The following SMC6 variants were observed in gnomAD, a reference collection of about 807,000 sequenced individuals.
SMC6 encodes structural maintenance of chromosomes protein 6.
SMC6 carries 79 observed loss-of-function variants against 142.2 expected under a neutral mutation model. The observed-to-expected ratio is 0.56, with a 90% confidence interval of 0.46 to 0.67. SMC6 has a LOEUF of 0.67. SMC6 is among the 30% of genes least tolerant of loss of function. SMC6 has a pLI of 0.00. For missense variants in SMC6, 1,072 were observed against 1,284.0 expected (o/e 0.83, Z 2.52); for synonymous variants, 411 against 412.4 (o/e 1.00, Z 0.04).
rs1388415111 is a variant in SMC6 at position 17,664,498 on chromosome 2, C to T, written c.*1001G>A. ...AAGGAATGCTTCTTGATATCCAATA[C>T]ATTCTTAAAAAGTTTAGCATGAATC... On this transcript the variant is annotated 3_prime_UTR_variant, in exon 28 of 28. Coordinates refer to ENST00000448223, the MANE Select transcript of SMC6 (RefSeq NM_001142286.2). The T allele has an allele frequency of 3.9e-5, 6 of 152,148 alleles. No homozygotes were observed. Among genetic ancestry groups the T allele is most frequent in the African/African-American group, 1.4e-4 (6 of 41,434 alleles). 9.4% of individuals were successfully genotyped at this position (152,148 alleles called of 1,614,324 possible). A position where few individuals can be genotyped will look rare whatever the true frequency, so the allele number is the denominator to read the frequency against.
chr2:17,720,820 A>C, intron 11 of SMC6, 120 bp downstream of exon 11: 1 of 826,032 alleles, frequency 1.2e-6, no homozygotes, highest in Non-Finnish European at 1.9e-6. Flanking sequence ...CTAAGCAATC[A>C]ATTCAAATAT....
At chr2:17,690,969 G>T (rs115139019) in intron 23 of SMC6, among the ~76,000 whole-genome samples, 3 of 151,158 alleles carry the variant, frequency 2.0e-5, no homozygotes, top group Admixed American at 6.6e-5. Context: ...AAAAAAAAAC[G>T]CTGAGTACAT....
At chr2:17,673,698 T>C (rs1666875542) in intron 25 of SMC6, among the ~76,000 whole-genome samples, 2 of 151,664 alleles carry the variant, frequency 1.3e-5, no homozygotes, top group South Asian at 4.2e-4. Context: ...GCCTCCCGAG[T>C]AGCTGGGATT....
chr2:17,728,660 T>C (rs1390717910), intron 7 of SMC6, among the ~76,000 whole-genome samples: 3 of 152,096 alleles, frequency 2.0e-5, no homozygotes, highest in African/African-American at 7.2e-5. Flanking sequence ...AAGACAAATA[T>C]GATCAGACAC....
At chr2:17,677,219 A>G (rs1264672164) in intron 25 of SMC6, among the ~76,000 whole-genome samples, 2 of 152,146 alleles carry the variant, frequency 1.3e-5, no homozygotes, top group Non-Finnish European at 2.9e-5. Flanking sequence ...ATTTCACTAA[A>G]GAGGGGCCCC....
At chr2:17,723,453 G>T (rs1220864807) in intron 9 of SMC6, among the ~76,000 whole-genome samples, 1 of 152,138 alleles carries the variant, frequency 6.6e-6, no homozygotes, top group Admixed American at 6.5e-5. Context: ...AGCCAATCTG[G>T]AATTCTTCCA....
intron 16 of SMC6, among the ~76,000 whole-genome samples, chr2:17,714,416 G>C (rs888806737): frequency 6.6e-6 from 1 of 152,076 alleles, no homozygotes; most frequent in Non-Finnish European, 1.5e-5. Flanking sequence ...TAAAGTATTA[G>C]CCAGTAGTTA....
chr2:17,744,219 T>C (rs13424855), intron 3 of SMC6, among the ~76,000 whole-genome samples: 27,251 of 152,054 alleles, frequency 0.18, 3,498 homozygotes, highest in African/African-American at 0.37. Flanking sequence ...TGCTCCACAT[T>C]CTTGTCAGCA....
At chr2:17,675,597 T>C (rs1330229355) in intron 25 of SMC6, among the ~76,000 whole-genome samples, 1 of 152,148 alleles carries the variant, frequency 6.6e-6, no homozygotes, top group African/African-American at 2.4e-5. Flanking sequence ...TCCTCATTTT[T>C]GAAAGGTAGT....
At position 17,745,951 on chromosome 2, in the gene SMC6, T is replaced by G. The variant is rs755458592; in HGVS notation, c.-5A>C. The stretch of plus-strand genomic sequence containing the variant: ...TTCTTCCTTTCTTTTGGCCATCAGG[T>G]CTGAACAAATATTTATAGTAACAAT... On this transcript the variant is annotated splice_region_variant and 5_prime_UTR_variant, in exon 3 of 28. Coordinates refer to ENST00000448223, the MANE Select transcript of SMC6 (RefSeq NM_001142286.2). 1.3e-6 allele frequency: 2 copies of G among 1,595,866 alleles called. No individual in the cohort carries two copies. The highest frequency in any genetic ancestry group is 2.7e-5 in the African/African-American group (2 of 74,236).
chr2:17,724,615 C>A (rs1669527180), intron 9 of SMC6, among the ~76,000 whole-genome samples: 1 of 152,166 alleles, frequency 6.6e-6, no homozygotes, highest in Non-Finnish European at 1.5e-5. Flanking sequence ...AAAGTTGGAT[C>A]TTCAGGAATC....
chr2:17,679,395 A>G (rs966888991), intron 24 of SMC6: 2 of 153,484 alleles, frequency 1.3e-5, no homozygotes, highest in Admixed American at 6.5e-5. Context: ...GCCTCCTTCT[A>G]ACTTCACAGT....
At chr2:17,731,039 G>A in intron 7 of SMC6, 39 bp downstream of exon 7, 1 of 1,503,372 alleles carries the variant, frequency 6.7e-7, no homozygotes. Context: ...AAAATGACAA[G>A]GTGTATGAAT....
At chr2:17,734,552 C>G (rs904678681) in intron 5 of SMC6, among the ~76,000 whole-genome samples, 1 of 151,262 alleles carries the variant, frequency 6.6e-6, no homozygotes, top group Non-Finnish European at 1.5e-5. Flanking sequence ...AGTTACAGTA[C>G]CTCATGAAAA....
intron 5 of SMC6, among the ~76,000 whole-genome samples, chr2:17,736,027 A>C (rs1226682774): frequency 6.6e-6 from 1 of 152,212 alleles, no homozygotes; most frequent in Non-Finnish European, 1.5e-5. Flanking sequence ...TGTGCAATAG[A>C]GTAAGAGCAG....
intron 7 of SMC6, among the ~76,000 whole-genome samples, chr2:17,727,259 G>A (rs972550342): frequency 6.6e-6 from 1 of 152,152 alleles, no homozygotes; most frequent in Non-Finnish European, 1.5e-5. Flanking sequence ...TAATCTGGAT[G>A]GGCACCATCT....
At chr2:17,730,061 A>G (rs529955785) in intron 7 of SMC6, among the ~76,000 whole-genome samples, 49 of 152,342 alleles carry the variant, frequency 3.2e-4, no homozygotes, top group Admixed American at 8.5e-4. Context: ...ATAGAACAGT[A>G]GAATGAAACA....
intron 23 of SMC6, among the ~76,000 whole-genome samples, chr2:17,691,263 A>T (rs981615840): frequency 2.4e-5 from 3 of 127,322 alleles, no homozygotes; most frequent in Admixed American, 7.5e-5. Context: ...CACACACACC[A>T]GAATACTATT....
chr2:17,678,052 A>C (rs1434515314), intron 25 of SMC6, among the ~76,000 whole-genome samples: 1 of 152,138 alleles, frequency 6.6e-6, no homozygotes. Flanking sequence ...CTCTTTTAAC[A>C]CATGACTATG....
Sources: allele counts gnomAD v4.1 joint callset (sites outside exome capture counted in the v4.1 genomes callset), GRCh38; gene constraint gnomAD v4.1.1; transcripts MANE v1.5; gene names NCBI Gene and HGNC (gene_info 2026-07-23, HGNC 2026-07-21).